CCSER1: variants seen among roughly 807,000 people sequenced by gnomAD.
The protein encoded by CCSER1 is coiled-coil serine rich protein 1, also known as serine-rich coiled-coil domain-containing protein 1.
A neutral mutation model predicts 82.0 loss-of-function variants in CCSER1; 41 were observed. The ratio of observed to expected loss-of-function variants is 0.50; its 90% CI spans 0.39 to 0.65. The LOEUF is 0.65. Ranked by LOEUF, CCSER1 falls within the 30% of genes least tolerant of loss-of-function variation. The probability of loss-of-function intolerance (pLI) is 0.00; values close to 1 mark genes in which losing one functional copy is unlikely to be tolerated. For missense variants in CCSER1, 1,119 were observed against 1,064.2 expected (o/e 1.05, Z -0.72); for synonymous variants, 414 against 383.9 (o/e 1.08, Z -0.92).
intron 9 of CCSER1, among the ~76,000 whole-genome samples, chr4:91,028,744 C>T (rs1035132867): frequency 7.9e-5 from 12 of 151,904 alleles, no homozygotes; most frequent in African/African-American, 2.7e-4. Flanking sequence ...AGCCCTAAAC[C>T]TGGTGAATAT....
intron 4 of CCSER1, among the ~76,000 whole-genome samples, chr4:90,432,870 TG>T (rs1758481266): frequency 6.6e-6 from 1 of 152,134 alleles, no homozygotes; most frequent in African/African-American, 2.4e-5. Flanking sequence ...ATTTGATTTC[TG>T]GGGAAGTATA....
intron 10 of CCSER1, among the ~76,000 whole-genome samples, chr4:91,218,309 C>G (rs1454920737): frequency 6.6e-6 from 1 of 152,214 alleles, no homozygotes; most frequent in Non-Finnish European, 1.5e-5. Flanking sequence ...CCAGCTGGCC[C>G]GCAAGGGCCG....
intron 3 of CCSER1, among the ~76,000 whole-genome samples, chr4:90,343,113 G>A (rs961393929): frequency 6.6e-6 from 1 of 152,062 alleles, no homozygotes; most frequent in African/African-American, 2.4e-5. Flanking sequence ...TTGCAGGCAT[G>A]TCATCTTTAA....
chr4:91,347,823 T>A (rs1223618882), intron 10 of CCSER1, among the ~76,000 whole-genome samples: 1 of 151,696 alleles, frequency 6.6e-6, no homozygotes, highest in Non-Finnish European at 1.5e-5. Flanking sequence ...TAGTCTTATA[T>A]CCTCCAATAT....
chr4:91,158,620 C>CTG (rs145928017), intron 10 of CCSER1, among the ~76,000 whole-genome samples: 2,751 of 148,630 alleles, frequency 0.019, 46 homozygotes, highest in East Asian at 0.064. Context: ...CCCTCTCTTT[C>CTG]TGTGTGTGTG....
At chr4:90,883,021 G>T (rs2150080313) in intron 8 of CCSER1, among the ~76,000 whole-genome samples, 1 of 152,036 alleles carries the variant, frequency 6.6e-6, no homozygotes, top group African/African-American at 2.4e-5. Flanking sequence ...TATTATCCCA[G>T]TTAGACTGAT....
intron 5 of CCSER1, among the ~76,000 whole-genome samples, chr4:90,584,450 G>T (rs548490548): frequency 6.6e-6 from 1 of 152,228 alleles, no homozygotes; most frequent in South Asian, 2.1e-4. Context: ...AAGCTTGGGG[G>T]TGAATTTCTC....
intron 1 of CCSER1, among the ~76,000 whole-genome samples, chr4:90,260,801 C>T (rs745407939): frequency 1.1e-4 from 17 of 152,250 alleles, no homozygotes; most frequent in Admixed American, 5.2e-4. Flanking sequence ...CTGCAACCTC[C>T]GCCTCCTGGG....
At chr4:91,484,550 G>A (rs1219922310) in intron 10 of CCSER1, among the ~76,000 whole-genome samples, 1 of 152,162 alleles carries the variant, frequency 6.6e-6, no homozygotes, top group Non-Finnish European at 1.5e-5. Context: ...AAATGTTCAT[G>A]TTTTAGGTAA....
intron 5 of CCSER1, among the ~76,000 whole-genome samples, chr4:90,619,244 T>C (rs1024003192): frequency 1.6e-4 from 25 of 152,002 alleles, no homozygotes; most frequent in African/African-American, 6.0e-4. Context: ...CTCATTACTC[T>C]TCTTCTGTAA....
chr4:90,990,179 G>A (rs746161859), intron 9 of CCSER1, among the ~76,000 whole-genome samples: 3 of 151,870 alleles, frequency 2.0e-5, no homozygotes, highest in African/African-American at 4.8e-5. Flanking sequence ...GTGCTTTCAA[G>A]TGGAGAGTAG....
intron 8 of CCSER1, among the ~76,000 whole-genome samples, chr4:90,841,280 TAAA>T (rs1762530573): frequency 6.6e-6 from 1 of 152,036 alleles, no homozygotes; most frequent in Non-Finnish European, 1.5e-5. Context: ...CAATGCTTAA[TAAA>T]GAAGAAAATA....
At chr4:91,146,652 C>A (rs1001586954) in intron 10 of CCSER1, among the ~76,000 whole-genome samples, 1 of 149,556 alleles carries the variant, frequency 6.7e-6, no homozygotes, top group Non-Finnish European at 1.5e-5. Context: ...TTGAGATTTT[C>A]ATTGTGGTGT....
chr4:90,176,364 C>T (rs1025277904), intron 1 of CCSER1, among the ~76,000 whole-genome samples: 2 of 151,916 alleles, frequency 1.3e-5, no homozygotes, highest in East Asian at 1.9e-4. Context: ...TTGCAACTTC[C>T]GCAGAGAAGG....
intron 6 of CCSER1, among the ~76,000 whole-genome samples, chr4:90,653,132 T>TA (rs919011870): frequency 1.9e-4 from 28 of 149,400 alleles, no homozygotes; most frequent in African/African-American, 3.7e-4. Context: ...AGTTCCTATT[T>TA]AAAAAAAAAA....
chr4:90,428,010 T>C (rs1463044693), intron 4 of CCSER1, among the ~76,000 whole-genome samples: 1 of 151,858 alleles, frequency 6.6e-6, no homozygotes, highest in Non-Finnish European at 1.5e-5. Flanking sequence ...GTAGATAATA[T>C]GCCCATAGGT....
intron 10 of CCSER1, among the ~76,000 whole-genome samples, chr4:91,088,119 T>G (rs772813770): frequency 1.1e-4 from 17 of 152,240 alleles, no homozygotes; most frequent in Non-Finnish European, 1.9e-4. Context: ...TCTGATTATG[T>G]TAAATTGAAA....
At chr4:90,173,073 TG>T (rs1313816310) in intron 1 of CCSER1, among the ~76,000 whole-genome samples, 5 of 151,816 alleles carry the variant, frequency 3.3e-5, no homozygotes, top group Non-Finnish European at 7.4e-5. Context: ...GAGCCAACTG[TG>T]ATACATCAAG....
intron 1 of CCSER1, among the ~76,000 whole-genome samples, chr4:90,148,333 A>G (rs1726198161): frequency 1.3e-5 from 2 of 152,196 alleles, no homozygotes; most frequent in East Asian, 1.9e-4. Context: ...GATCCACTAG[A>G]GTATCCATGA....
Sources: gnomAD v4.1 joint callset for allele counts (sites outside exome capture counted in the v4.1 genomes callset) on GRCh38, gnomAD v4.1.1 for gene constraint, MANE v1.5 for transcripts, NCBI Gene and HGNC (gene_info 2026-07-23, HGNC 2026-07-21) for gene names.